Variants in LCORL observed in about 807,000 individuals in gnomAD.
The protein encoded by LCORL is ligand-dependent nuclear receptor corepressor-like protein.
In LCORL, 41 loss-of-function variants were observed where a neutral mutation model predicts 141.8. The ratio of observed to expected loss-of-function variants is 0.29; its 90% CI spans 0.23 to 0.38. LCORL has a LOEUF of 0.38. Ranked by LOEUF, LCORL falls within the 10% of genes least tolerant of loss-of-function variation. The pLI is 1.00. For synonymous variants in LCORL, 618 were observed against 694.1 expected (o/e 0.89, Z 1.72); for missense variants, 1,759 against 2,035.0 (o/e 0.86, Z 2.61).
intron 2 of LCORL, among the ~76,000 whole-genome samples, chr4:17,965,379 TAAATAAATGCTG>T (rs1202312514): frequency 6.6e-6 from 1 of 152,132 alleles, no homozygotes; most frequent in Admixed American, 6.6e-5. Flanking sequence ...CATTAAAAAC[TAAATAAATGCTG>T]AAATAAAACA....
At chr4:17,962,626 T>C (rs1714058298) in intron 3 of LCORL, among the ~76,000 whole-genome samples, 1 of 151,960 alleles carries the variant, frequency 6.6e-6, no homozygotes. Flanking sequence ...AGAAATCAGA[T>C]TGTAGGGTGG....
At chr4:17,874,059 G>C in exon 7 of LCORL, 1 of 1,233,966 alleles carries the variant, frequency 8.1e-7, no homozygotes, top group Non-Finnish European at 1.0e-6. Context: ...GTCAGCATTT[G>C]TTTCTCCCTC....
intron 4 of LCORL, among the ~76,000 whole-genome samples, chr4:17,916,365 T>A (rs1209441204): frequency 2.6e-5 from 4 of 152,120 alleles, no homozygotes; most frequent in African/African-American, 9.7e-5. Context: ...AAACCACTGG[T>A]GTTTTGGTAA....
chr4:17,892,203 T>C (rs989390884), intron 5 of LCORL, among the ~76,000 whole-genome samples: 3 of 150,036 alleles, frequency 2.0e-5, no homozygotes, highest in South Asian at 2.1e-4. Context: ...TAGTATTTTT[T>C]TTTTTCTTTT....
chr4:17,858,352 G>A (rs749810820), intron 7 of LCORL, among the ~76,000 whole-genome samples: 93 of 151,920 alleles, frequency 6.1e-4, no homozygotes, highest in Non-Finnish European at 1.2e-3. Context: ...AAAGTGAATC[G>A]CGTATCAGTG....
chr4:17,915,626 G>A (rs983688190), intron 4 of LCORL, among the ~76,000 whole-genome samples: 1 of 152,176 alleles, frequency 6.6e-6, no homozygotes, highest in Non-Finnish European at 1.5e-5. Context: ...AGGCTGCAGA[G>A]TAAGAACCTC....
At chr4:17,927,872 A>G (rs9968481) in intron 4 of LCORL, among the ~76,000 whole-genome samples, 11,348 of 152,294 alleles carry the variant, frequency 0.075, 962 homozygotes, top group African/African-American at 0.21. Context: ...GCACGTTATA[A>G]GGAAAACGGC....
intron 2 of LCORL, among the ~76,000 whole-genome samples, chr4:17,972,334 T>C (rs1030075520): frequency 6.6e-6 from 1 of 151,844 alleles, no homozygotes; most frequent in African/African-American, 2.4e-5. Flanking sequence ...AGCCATTGTT[T>C]CTTCCTTCCC....
chr4:17,938,373 G>A (rs1737232076), intron 4 of LCORL, among the ~76,000 whole-genome samples: 1 of 150,222 alleles, frequency 6.7e-6, no homozygotes, highest in South Asian at 2.1e-4. Context: ...ATCCTTTAAT[G>A]ATCTTGGGTG....
At chr4:17,855,382 C>T (rs924534068) in intron 7 of LCORL, among the ~76,000 whole-genome samples, 1 of 152,136 alleles carries the variant, frequency 6.6e-6, no homozygotes, top group African/African-American at 2.4e-5. Flanking sequence ...TGATCTAAAA[C>T]ACTGCCAACC....
exon 8 of LCORL, chr4:17,845,498 C>A: frequency 2.6e-6 from 1 of 388,546 alleles, no homozygotes. Context: ...CATAATACCA[C>A]TAAAAGAGAA....
chr4:17,867,088 AC>A (rs1165657230), intron 7 of LCORL: 2 of 447,866 alleles, frequency 4.5e-6, no homozygotes, highest in East Asian at 3.1e-4. Context: ...CTCCCCCAGC[AC>A]CACTCTGCTG....
At chr4:17,961,843 A>C in intron 4 of LCORL, 60 bp downstream of exon 4, 21 of 1,496,016 alleles carry the variant, frequency 1.4e-5, no homozygotes, top group Non-Finnish European at 1.8e-5. Flanking sequence ...TTGTGTAAAA[A>C]AATTCCAACA....
At chr4:17,954,832 A>G (rs1235547761) in intron 4 of LCORL, among the ~76,000 whole-genome samples, 1 of 152,216 alleles carries the variant, frequency 6.6e-6, no homozygotes, top group African/African-American at 2.4e-5. Flanking sequence ...ACCTTTCACA[A>G]AGATGGAAAA....
chr4:17,883,911 C>T (rs1167427556), intron 6 of LCORL: 32 of 1,550,522 alleles, frequency 2.1e-5, no homozygotes, highest in East Asian at 2.4e-5. Flanking sequence ...CTCATTTTTC[C>T]GCTCATTACC....
chr4:17,943,009 G>A (rs1013204599), intron 4 of LCORL, among the ~76,000 whole-genome samples: 1 of 152,114 alleles, frequency 6.6e-6, no homozygotes, highest in African/African-American at 2.4e-5. Flanking sequence ...GATGATCTGA[G>A]GTGTAACAGT....
intron 7 of LCORL, among the ~76,000 whole-genome samples, chr4:17,849,070 GC>G (rs1193070198): frequency 6.6e-5 from 10 of 152,256 alleles, no homozygotes; most frequent in Non-Finnish European, 1.3e-4. Context: ...AAGGAGGCCT[GC>G]CTGCCTCTGC....
At chr4:18,009,511 TC>T (rs932487919) in intron 1 of LCORL, among the ~76,000 whole-genome samples, 1 of 152,024 alleles carries the variant, frequency 6.6e-6, no homozygotes, top group Non-Finnish European at 1.5e-5. Context: ...GAGGCCTTCC[TC>T]CCTTTACCCT....
At chr4:17,942,065 T>A (rs1482517147) in intron 4 of LCORL, among the ~76,000 whole-genome samples, 2 of 152,138 alleles carry the variant, frequency 1.3e-5, no homozygotes, top group Non-Finnish European at 2.9e-5. Context: ...GTCTAACCAG[T>A]ATGGTACTCA....
Sources: allele counts gnomAD v4.1 joint callset (sites outside exome capture counted in the v4.1 genomes callset), GRCh38; gene constraint gnomAD v4.1.1; transcripts MANE v1.5; gene names NCBI Gene and HGNC (gene_info 2026-07-23, HGNC 2026-07-21).